Variants in ENOX1 observed in about 807,000 individuals in gnomAD.
ENOX1 encodes the protein candidate growth-related and time keeping constitutive hydroquinone (NADH) oxidase.
A neutral mutation model predicts 82.5 loss-of-function variants in ENOX1; 42 were observed. The ratio of observed to expected loss-of-function variants is 0.51; its 90% CI spans 0.40 to 0.66. The LOEUF is 0.66. Among genes scored for constraint, ENOX1 ranks in the 30% least tolerant of loss-of-function variants. ENOX1 has a pLI of 0.00. For synonymous variants in ENOX1, 271 were observed against 282.2 expected, an observed-to-expected ratio of 0.96 and a Z score of 0.40; for missense variants, 608 against 811.6, an observed-to-expected ratio of 0.75 and a Z score of 3.05.
chr13:43,323,606 T>C (rs563373250), intron 10 of ENOX1, among the ~76,000 whole-genome samples: 63 of 152,334 alleles, frequency 4.1e-4, no homozygotes, highest in African/African-American at 1.3e-3. Flanking sequence ...TTCATTCTGT[T>C]CTCTTACATG....
chr13:43,754,051 T>TATATACATATATAAGTATATAAATACAC (rs71099849), intron 1 of ENOX1, among the ~76,000 whole-genome samples: 1 of 117,780 alleles, frequency 8.5e-6, no homozygotes, highest in Non-Finnish European at 1.7e-5. Context: ...TAAATACACA[T>TATATACATATATAAGTATATAAATACAC]ATATATACAT....
chr13:43,517,428 T>C (rs1363071110), intron 2 of ENOX1, among the ~76,000 whole-genome samples: 3 of 152,110 alleles, frequency 2.0e-5, no homozygotes, highest in Non-Finnish European at 4.4e-5. Context: ...AACCTAGCAG[T>C]TGGAGGTTGC....
chr13:43,275,573 AACACACACACACAC>A, intron 12 of ENOX1, among the ~76,000 whole-genome samples: 1 of 148,988 alleles, frequency 6.7e-6, no homozygotes, highest in South Asian at 2.1e-4. Flanking sequence ...GACTGACACC[AACACACACACACAC>A]ACACACACAC....
chr13:43,640,717 C>T (rs1416593800), intron 2 of ENOX1, among the ~76,000 whole-genome samples: 1 of 152,182 alleles, frequency 6.6e-6, no homozygotes, highest in Non-Finnish European at 1.5e-5. Flanking sequence ...CTGTCTATCT[C>T]TGAATAACTC....
At chr13:43,762,982 CTCTT>C (rs1268085905) in intron 1 of ENOX1, among the ~76,000 whole-genome samples, 4 of 148,326 alleles carry the variant, frequency 2.7e-5, no homozygotes, top group Non-Finnish European at 4.4e-5. Context: ...TAAATTAACT[CTCTT>C]TATTAATGGT....
chr13:43,463,451 G>A (rs548414186), intron 3 of ENOX1, among the ~76,000 whole-genome samples: 85 of 152,194 alleles, frequency 5.6e-4, no homozygotes, highest in African/African-American at 1.8e-3. Context: ...ACAGATAGTG[G>A]GTACAATAAT....
intron 2 of ENOX1, among the ~76,000 whole-genome samples, chr13:43,576,676 G>C (rs2080439892): frequency 6.6e-6 from 1 of 152,132 alleles, no homozygotes; most frequent in Admixed American, 6.6e-5. Context: ...AATAAATTTA[G>C]GTTGTCTTAA....
chr13:43,616,134 C>CTATA lies in ENOX1; in HGVS notation c.-219+51344_-219+51345insTATA. On this transcript the variant is annotated intron_variant, in intron 2 of 16. Transcript: ENST00000690772. ...TATCTATAGATCTATAGATATCTAT[C>CTATA]TATCTAGATATCTATATAGATAGAT... Among the ~76,000 whole-genome samples the CTATA allele has an allele frequency of 7.1e-3, 127 of 17,940 alleles. 7 individuals carry two copies. Among genetic ancestry groups the CTATA allele is most frequent in the Middle Eastern group, 0.042 (1 of 24 alleles). The allele number at this position is 17,940 out of a possible 152,430, so 11.8% of individuals were successfully genotyped here.
At chr13:43,601,737 G>A (rs1594044422) in intron 2 of ENOX1, among the ~76,000 whole-genome samples, 1 of 152,082 alleles carries the variant, frequency 6.6e-6, no homozygotes, top group South Asian at 2.1e-4. Flanking sequence ...CCAAGATAAG[G>A]TGACCAAGAC....
intron 1 of ENOX1, among the ~76,000 whole-genome samples, chr13:43,671,194 A>G (rs180804437): frequency 1.3e-3 from 199 of 152,258 alleles, no homozygotes; most frequent in African/African-American, 4.1e-3. Context: ...CCATGATTCT[A>G]AGTTTCCTAA....
At chr13:43,404,312 T>C (rs1443573043) in intron 5 of ENOX1, among the ~76,000 whole-genome samples, 5 of 152,116 alleles carry the variant, frequency 3.3e-5, no homozygotes, top group African/African-American at 7.2e-5. Flanking sequence ...CCAATCCCAC[T>C]CCATCCCAAC....
intron 2 of ENOX1, among the ~76,000 whole-genome samples, chr13:43,656,533 G>C (rs891967055): frequency 1.3e-5 from 2 of 152,134 alleles, no homozygotes; most frequent in African/African-American, 4.8e-5. Context: ...AGATGAATCG[G>C]GAAGAGGCAA....
intron 1 of ENOX1, among the ~76,000 whole-genome samples, chr13:43,708,955 G>C (rs1185901255): frequency 2.0e-5 from 3 of 151,990 alleles, no homozygotes; most frequent in Non-Finnish European, 4.4e-5. Context: ...GCTTTAAAAA[G>C]CAAATAGCCT....
chr13:43,565,693 T>A (rs1235132405), intron 2 of ENOX1, among the ~76,000 whole-genome samples: 2 of 152,200 alleles, frequency 1.3e-5, no homozygotes, highest in Non-Finnish European at 2.9e-5. Context: ...TTCCTTAGTT[T>A]GTCTGTGAGC....
chr13:43,739,652 CA>C (rs1356805418), intron 1 of ENOX1, among the ~76,000 whole-genome samples: 1 of 151,550 alleles, frequency 6.6e-6, no homozygotes, highest in African/African-American at 2.4e-5. Flanking sequence ...AGAAAAATAA[CA>C]TAAGAAAAGA....
At chr13:43,656,949 T>A (rs1227266166) in intron 2 of ENOX1, among the ~76,000 whole-genome samples, 1 of 152,230 alleles carries the variant, frequency 6.6e-6, no homozygotes, top group Non-Finnish European at 1.5e-5. Flanking sequence ...TCAACTTATC[T>A]TTTTCCTTGT....
intron 10 of ENOX1, among the ~76,000 whole-genome samples, chr13:43,323,946 T>C (rs576598981): frequency 1.3e-5 from 2 of 152,318 alleles, no homozygotes; most frequent in South Asian, 4.1e-4. Context: ...GGAATCACCC[T>C]TGCAGAAGAC....
At chr13:43,670,248 A>G (rs1213814476) in intron 1 of ENOX1, among the ~76,000 whole-genome samples, 1 of 152,188 alleles carries the variant, frequency 6.6e-6, no homozygotes, top group South Asian at 2.1e-4. Flanking sequence ...CACTTCCCAC[A>G]TGAAATGCAC....
At chr13:43,495,402 A>G (rs1478553459) in intron 2 of ENOX1, among the ~76,000 whole-genome samples, 2 of 152,158 alleles carry the variant, frequency 1.3e-5, no homozygotes, top group Admixed American at 1.3e-4. Context: ...AACTCTGTAT[A>G]TAATCATACG....
Sources: allele counts gnomAD v4.1 joint callset (sites outside exome capture counted in the v4.1 genomes callset), GRCh38; gene constraint gnomAD v4.1.1; transcripts MANE v1.5; gene names NCBI Gene and HGNC (gene_info 2026-07-23, HGNC 2026-07-21).